Variants in SGCD observed in about 807,000 individuals in gnomAD.
SGCD encodes the protein delta-sarcoglycan.
In SGCD, 18 loss-of-function variants were observed where a neutral mutation model predicts 36.6. The observed-to-expected ratio is 0.49, with a 90% CI of 0.34 to 0.73. The LOEUF is 0.73. Among genes scored for constraint, SGCD ranks in the 30% least tolerant of loss-of-function variants. SGCD has a pLI of 0.01. For missense variants in SGCD, 387 were observed against 346.7 expected (o/e 1.12, Z -0.92); for synonymous variants, 133 against 130.6 (o/e 1.02, Z -0.12).
chr5:156,411,769 A>G (rs1772771228), intron 3 of SGCD, among the ~76,000 whole-genome samples: 1 of 152,348 alleles, frequency 6.6e-6, no homozygotes, highest in Non-Finnish European at 1.5e-5. Flanking sequence ...TGCAGAAATT[A>G]TTGACACATA....
At chr5:156,548,591 C>A (rs1348288289) in intron 4 of SGCD, among the ~76,000 whole-genome samples, 1 of 152,156 alleles carries the variant, frequency 6.6e-6, no homozygotes, top group African/African-American at 2.4e-5. Context: ...GGCATGTGAT[C>A]TTCACCAAGT....
At chr5:156,042,138 G>A (rs1277221257) in intron 1 of SGCD, among the ~76,000 whole-genome samples, 1 of 151,970 alleles carries the variant, frequency 6.6e-6, no homozygotes, top group African/African-American at 2.4e-5. Flanking sequence ...TCCAAATCTG[G>A]AAGTTAGGTA....
intron 1 of SGCD, among the ~76,000 whole-genome samples, chr5:156,098,772 A>C (rs1168687422): frequency 1.3e-5 from 2 of 152,176 alleles, no homozygotes; most frequent in African/African-American, 4.8e-5. Flanking sequence ...TAACAATGAA[A>C]TGTGGCTTAA....
intron 8 of SGCD, 134 bp downstream of exon 8, chr5:156,757,838 CAATT>C (rs1757400623): frequency 7.4e-7 from 1 of 1,351,412 alleles, no homozygotes; most frequent in Non-Finnish European, 9.6e-7. Flanking sequence ...ATTTCTGAAA[CAATT>C]AATTGAGCAG....
intron 4 of SGCD, among the ~76,000 whole-genome samples, chr5:156,550,381 ATAAGC>A (rs772253544): frequency 3.3e-5 from 5 of 152,224 alleles, no homozygotes; most frequent in Non-Finnish European, 7.3e-5. Flanking sequence ...TGCTGTCTAG[ATAAGC>A]TAAGTGCTTC....
intron 3 of SGCD, among the ~76,000 whole-genome samples, chr5:156,383,318 A>G (rs1771094623): frequency 6.6e-6 from 1 of 152,150 alleles, no homozygotes; most frequent in African/African-American, 2.4e-5. Flanking sequence ...AGCCTGGCCA[A>G]CATGGTGAAA....
chr5:155,787,179 T>C, the SGCD span, among the ~76,000 whole-genome samples: 37 of 152,294 alleles, frequency 2.4e-4, no homozygotes, highest in African/African-American at 8.4e-4. Context: ...ATCTCTTCTT[T>C]TAGGACATTT....
At chr5:156,512,609 T>C (rs1218343018) in intron 4 of SGCD, among the ~76,000 whole-genome samples, 2 of 152,216 alleles carry the variant, frequency 1.3e-5, no homozygotes. Context: ...ATATCTTATA[T>C]TTAAAATTTT....
chr5:156,005,985 A>G (rs1487133865), intron 1 of SGCD, among the ~76,000 whole-genome samples: 1 of 152,030 alleles, frequency 6.6e-6, no homozygotes, highest in Non-Finnish European at 1.5e-5. Flanking sequence ...GGCAAATTAC[A>G]TAATCTCTCA....
chr5:156,218,700 T>G (rs1764640504), intron 3 of SGCD, among the ~76,000 whole-genome samples: 1 of 152,152 alleles, frequency 6.6e-6, no homozygotes, highest in Non-Finnish European at 1.5e-5. Flanking sequence ...CTACCCACAG[T>G]CATTTCTTTG....
intron 1 of SGCD, among the ~76,000 whole-genome samples, chr5:156,019,320 C>T (rs970043011): frequency 3.9e-5 from 6 of 152,054 alleles, no homozygotes; most frequent in Non-Finnish European, 7.4e-5. Context: ...GAACCTTGAA[C>T]GTTGACAGAA....
chr5:155,894,548 G>A (rs566671077), intron 1 of SGCD, among the ~76,000 whole-genome samples: 21 of 152,158 alleles, frequency 1.4e-4, no homozygotes, highest in Admixed American at 2.6e-4. Flanking sequence ...GGACCAGTGA[G>A]CGTGAAGCTT....
the SGCD span, among the ~76,000 whole-genome samples, chr5:155,786,485 C>T: frequency 8.6e-5 from 13 of 151,892 alleles, no homozygotes; most frequent in Non-Finnish European, 1.6e-4. Context: ...AGAGATTAAT[C>T]GGGGTATTTA....
At chr5:156,488,751 GAGAA>G (rs1374700866) in intron 3 of SGCD, among the ~76,000 whole-genome samples, 1 of 152,018 alleles carries the variant, frequency 6.6e-6, no homozygotes, top group Non-Finnish European at 1.5e-5. Flanking sequence ...AAATCAAAAA[GAGAA>G]AGAAGTCCAA....
At chr5:156,170,202 C>T (rs1179235143) in intron 3 of SGCD, among the ~76,000 whole-genome samples, 1 of 152,010 alleles carries the variant, frequency 6.6e-6, no homozygotes, top group Non-Finnish European at 1.5e-5. Context: ...AAAGAAAATC[C>T]CTGAAATATT....
At chr5:155,742,649 C>A in the SGCD span, among the ~76,000 whole-genome samples, 6 of 152,176 alleles carry the variant, frequency 3.9e-5, no homozygotes, top group Non-Finnish European at 8.8e-5. Flanking sequence ...TGGTTCCCCC[C>A]ACCCACCTCA....
At chr5:156,317,926 A>T (rs1191569443) in intron 3 of SGCD, among the ~76,000 whole-genome samples, 1 of 152,206 alleles carries the variant, frequency 6.6e-6, no homozygotes, top group African/African-American at 2.4e-5. Flanking sequence ...TGACCCATTT[A>T]TCTAACTGTA....
the SGCD span, among the ~76,000 whole-genome samples, chr5:155,854,728 T>C: frequency 6.6e-6 from 1 of 152,208 alleles, no homozygotes; most frequent in Non-Finnish European, 1.5e-5. Context: ...TATCTCTTAA[T>C]AGAAGTATTA....
intron 3 of SGCD, among the ~76,000 whole-genome samples, chr5:156,368,643 A>G (rs953353866): frequency 7.9e-5 from 12 of 151,676 alleles, no homozygotes; most frequent in African/African-American, 2.9e-4. Flanking sequence ...CATCACTTGC[A>G]TTACCACCTG....
Sources: gnomAD v4.1 joint callset for allele counts (sites outside exome capture counted in the v4.1 genomes callset) on GRCh38, gnomAD v4.1.1 for gene constraint, MANE v1.5 for transcripts, NCBI Gene and HGNC (gene_info 2026-07-23, HGNC 2026-07-21) for gene names.